HECW1: variants seen among roughly 807,000 people sequenced by gnomAD.
HECW1 encodes the protein HECT, C2 and WW domain containing E3 ubiquitin protein ligase 1.
In HECW1, 61 loss-of-function variants were observed where a neutral mutation model predicts 182.3. The ratio of observed to expected loss-of-function variants is 0.33; its 90% confidence interval spans 0.27 to 0.41. The LOEUF (loss-of-function observed/expected upper bound fraction) is 0.41. HECW1 is among the 10% of genes least tolerant of loss of function. The probability of loss-of-function intolerance (pLI) is 1.00; values close to 1 mark genes in which losing one functional copy is unlikely to be tolerated. For synonymous variants in HECW1, 859 were observed against 832.6 expected (o/e 1.03, Z -0.55); for missense variants, 1,739 against 2,108.9 (o/e 0.82, Z 3.44).
At chr7:43,263,718 G>T (rs1168284447) in intron 3 of HECW1, among the ~76,000 whole-genome samples, 1 of 152,128 alleles carries the variant, frequency 6.6e-6, no homozygotes, top group Non-Finnish European at 1.5e-5. Flanking sequence ...AGAGAAGAAG[G>T]GAGGGAGGAA....
chr7:43,146,485 A>G lies in HECW1; in HGVS notation c.-32+32094A>G, dbSNP rs115333441. Among the ~76,000 whole-genome samples the G allele has an allele frequency of 1.9e-3, 295 of 152,350 alleles. 1 individual carries two copies. Among genetic ancestry groups the G allele is most frequent in the African/African-American group, 6.8e-3 (282 of 41,570 alleles). On this transcript the variant is annotated intron_variant, in intron 2 of 29. Transcript: ENST00000395891. The stretch of plus-strand genomic sequence containing the variant: ...AAGGCAGTATATAATATTTTGAATT[A>G]ATAATAAGGAAATGAATAAGCCTTA...
chr7:43,191,964 C>CTTT (rs537307469), intron 2 of HECW1, among the ~76,000 whole-genome samples: 359 of 145,342 alleles, frequency 2.5e-3, no homozygotes, highest in African/African-American at 8.0e-3. Context: ...TTGTTTTTTT[C>CTTT]TTTTTTTTTT....
intron 15 of HECW1, among the ~76,000 whole-genome samples, chr7:43,468,463 G>A (rs927156917): frequency 2.0e-5 from 3 of 152,144 alleles, no homozygotes; most frequent in Non-Finnish European, 4.4e-5. Flanking sequence ...ACAGCACTCA[G>A]GTGGAACGGA....
chr7:43,212,812 T>G (rs1796114957), intron 2 of HECW1, among the ~76,000 whole-genome samples: 1 of 152,222 alleles, frequency 6.6e-6, no homozygotes, highest in African/African-American at 2.4e-5. Context: ...ATTAACACAT[T>G]TATCTGGATT....
chr7:43,516,708 T>A (rs567824254), intron 24 of HECW1, among the ~76,000 whole-genome samples: 2 of 152,240 alleles, frequency 1.3e-5, no homozygotes, highest in Non-Finnish European at 2.9e-5. Context: ...CAGGGATACC[T>A]CTGAGAAATG....
intron 6 of HECW1, among the ~76,000 whole-genome samples, chr7:43,374,479 A>G (rs2074239036): frequency 6.6e-6 from 1 of 152,210 alleles, no homozygotes; most frequent in Admixed American, 6.5e-5. Context: ...CAGAAGATGA[A>G]AATAGAACTT....
intron 2 of HECW1, among the ~76,000 whole-genome samples, chr7:43,161,037 G>A (rs1456660347): frequency 6.6e-6 from 1 of 151,840 alleles, no homozygotes; most frequent in Non-Finnish European, 1.5e-5. Flanking sequence ...CCCTGGGTGT[G>A]TGAGTCCCCT....
chr7:43,370,822 G>A (rs1817241981), intron 6 of HECW1, among the ~76,000 whole-genome samples: 3 of 151,950 alleles, frequency 2.0e-5, no homozygotes, highest in Non-Finnish European at 4.4e-5. Flanking sequence ...AAGATCAGTG[G>A]TTGTGAAGAT....
chr7:43,365,341 G>A (rs1456155355), intron 6 of HECW1, among the ~76,000 whole-genome samples: 1 of 152,226 alleles, frequency 6.6e-6, no homozygotes, highest in Admixed American at 6.5e-5. Flanking sequence ...CCCACTCTGA[G>A]GCCTGGGACT....
chr7:43,452,402 A>G (rs188177543), intron 12 of HECW1, among the ~76,000 whole-genome samples: 354 of 152,328 alleles, frequency 2.3e-3, no homozygotes, highest in Non-Finnish European at 3.0e-3. Context: ...AGCCACTTTC[A>G]ATAATGAGAA....
At chr7:43,406,566 T>C (rs1199543376) in intron 7 of HECW1, among the ~76,000 whole-genome samples, 1 of 152,198 alleles carries the variant, frequency 6.6e-6, no homozygotes, top group Admixed American at 6.5e-5. Context: ...GTTTCACTTG[T>C]GTATAAATGT....
intron 8 of HECW1, among the ~76,000 whole-genome samples, chr7:43,425,842 A>G (rs779381103): frequency 2.0e-5 from 3 of 152,216 alleles, no homozygotes; most frequent in Non-Finnish European, 2.9e-5. Flanking sequence ...CCCCACCTCT[A>G]ATACTGCTAA....
intron 2 of HECW1, among the ~76,000 whole-genome samples, chr7:43,228,768 A>G (rs953887857): frequency 6.6e-6 from 1 of 152,262 alleles, no homozygotes; most frequent in Non-Finnish European, 1.5e-5. Flanking sequence ...TGGTATCAAA[A>G]AACTAAATGG....
chr7:43,190,736 C>T (rs1221988900), intron 2 of HECW1, among the ~76,000 whole-genome samples: 2 of 152,222 alleles, frequency 1.3e-5, no homozygotes, highest in Admixed American at 6.5e-5. Flanking sequence ...CACACAGACC[C>T]TCTTCCCAGA....
At chr7:43,469,225 C>G (rs1339245311) in intron 16 of HECW1, 120 bp downstream of exon 16, 1 of 1,059,046 alleles carries the variant, frequency 9.4e-7, no homozygotes, top group African/African-American at 1.6e-5. Context: ...TGCTATCGGC[C>G]GCCAGCAGTA....
chr7:43,274,290 C>CTGGTACTT, intron 3 of HECW1: 1 of 1,031,160 alleles, frequency 9.7e-7, no homozygotes. Context: ...AGTCCCGCTT[C>CTGGTACTT]TGGTACTTTG....
At chr7:43,315,867 G>A (rs1809178498) in intron 4 of HECW1, among the ~76,000 whole-genome samples, 2 of 152,250 alleles carry the variant, frequency 1.3e-5, no homozygotes, top group Admixed American at 6.5e-5. Context: ...CCAAGATTTG[G>A]TTGTCAGAAA....
chr7:43,208,767 G>T (rs1795724086), intron 2 of HECW1, among the ~76,000 whole-genome samples: 1 of 152,168 alleles, frequency 6.6e-6, no homozygotes, highest in Non-Finnish European at 1.5e-5. Flanking sequence ...AGGGCTGGTG[G>T]TCAGTGCTGT....
chr7:43,226,502 C>G (rs796971936), intron 2 of HECW1, among the ~76,000 whole-genome samples: 17 of 152,296 alleles, frequency 1.1e-4, no homozygotes, highest in African/African-American at 3.1e-4. Context: ...CTTTTTTCAT[C>G]TCGTGGAAGT....
Sources: allele counts gnomAD v4.1 joint callset (sites outside exome capture counted in the v4.1 genomes callset), GRCh38; gene constraint gnomAD v4.1.1; transcripts MANE v1.5; gene names NCBI Gene and HGNC (gene_info 2026-07-23, HGNC 2026-07-21).